BRD8: variants seen among roughly 807,000 people sequenced by gnomAD.
BRD8 encodes the protein bromodomain-containing protein 8.
A neutral mutation model predicts 143.1 loss-of-function variants in BRD8; 67 were observed. The observed-to-expected ratio is 0.47, with a 90% confidence interval of 0.38 to 0.57. BRD8 has a LOEUF of 0.57. Among genes scored for constraint, BRD8 ranks in the 20% least tolerant of loss-of-function variants. The probability of loss-of-function intolerance (pLI) is 0.00; values close to 1 mark genes in which losing one functional copy is unlikely to be tolerated. For synonymous variants in BRD8, 505 were observed against 517.1 expected, an observed-to-expected ratio of 0.98 and a Z score of 0.32; for missense variants, 1,103 against 1,503.0, an observed-to-expected ratio of 0.73 and a Z score of 4.40.
At chr5:138,159,750 G>T in intron 19 of BRD8, 151 bp from the exon 20 acceptor site, 1 of 745,718 alleles carries the variant, frequency 1.3e-6, no homozygotes, top group Non-Finnish European at 2.3e-6. Context: ...AAAGCAATCT[G>T]TCCATTACGC....
At chr5:138,144,385 C>T (rs977941025) in intron 25 of BRD8, among the ~76,000 whole-genome samples, 2 of 152,092 alleles carry the variant, frequency 1.3e-5, no homozygotes, top group Non-Finnish European at 2.9e-5. Flanking sequence ...TGTAACACCA[C>T]GAGAGTCTGC....
At chr5:138,160,314 ATTAAGTT>A in intron 18 of BRD8, 141 bp from the exon 19 acceptor site, 1 of 629,438 alleles carries the variant, frequency 1.6e-6, no homozygotes, top group Non-Finnish European at 2.8e-6. Flanking sequence ...AGTTTAGCAT[ATTAAGTT>A]TTAATTCTAG....
At chr5:138,170,304 G>A in intron 7 of BRD8, 41 bp downstream of exon 7, 1 of 1,305,272 alleles carries the variant, frequency 7.7e-7, no homozygotes, top group Non-Finnish European at 1.1e-6. Flanking sequence ...ATGCAGTACT[G>A]TGCAATCAAT....
chr5:138,168,411 C>A (rs1320580432), intron 8 of BRD8: 1 of 1,161,892 alleles, frequency 8.6e-7, no homozygotes, highest in African/African-American at 1.5e-5. Context: ...AGGTCCCAGG[C>A]ACTCCCTTCC....
intron 20 of BRD8, among the ~76,000 whole-genome samples, chr5:138,153,698 C>T (rs1439326256): frequency 5.4e-5 from 6 of 112,126 alleles, no homozygotes; most frequent in African/African-American, 1.0e-4. Context: ...TTTTTTTGAA[C>T]GAACTTTCAC....
intron 10 of BRD8, 193 bp downstream of exon 10, chr5:138,166,325 C>T (rs1753418277): frequency 4.9e-6 from 3 of 615,180 alleles, no homozygotes; most frequent in Non-Finnish European, 8.5e-6. Context: ...TAGCCTCTTC[C>T]TGCAATACAT....
intron 2 of BRD8, among the ~76,000 whole-genome samples, chr5:138,175,038 C>T (rs1307609170): frequency 6.6e-6 from 1 of 152,078 alleles, no homozygotes; most frequent in Non-Finnish European, 1.5e-5. Context: ...TACAGGCGCA[C>T]GCCGCCACAC....
intron 18 of BRD8, among the ~76,000 whole-genome samples, 177 bp from the exon 19 acceptor site, chr5:138,160,350 A>G (rs958625649): frequency 2.0e-5 from 3 of 152,242 alleles, no homozygotes; most frequent in Admixed American, 6.5e-5. Flanking sequence ...GGGATGCTAA[A>G]GAATCAAGCA....
chr5:138,152,601 C>G lies in BRD8; in HGVS notation c.2737G>C (p.Glu913Gln), dbSNP rs766067381. 5 of 1,614,100 alleles carry G rather than the reference C, an allele frequency of 3.1e-6. No individual in the cohort carries two copies. The highest frequency in any genetic ancestry group is 1.3e-5 in the African/African-American group (1 of 74,930). ...ETEDPEAEEL[E>Q]ESSPEREPSE... ...GGTTCTCTCTCCGGGCTGCTTTCCT[C>G]TAGTTCCTCAGCCTCTGGATCCTCA... Residue 913 changes from glutamate (E) to glutamine (Q), a missense_variant, in exon 21 of 27, where the codon GAG (glutamate) becomes CAG (glutamine). Physicochemically the swap from Glu to Gln is conservative, Grantham distance 29. This residue lies in a region of BRD8 where 369 missense variants were observed against 445.5 expected (regional missense o/e 0.83). Transcript: ENST00000254900.
At chr5:138,145,049 T>A in intron 25 of BRD8, 128 bp downstream of exon 25, 1 of 965,396 alleles carries the variant, frequency 1.0e-6, no homozygotes, top group Non-Finnish European at 1.6e-6. Context: ...CATAACTTTA[T>A]AAACTTGTTT....
At chr5:138,164,042 A>C (rs1257931748) in intron 14 of BRD8, 45 bp downstream of exon 14, 2 of 1,582,152 alleles carry the variant, frequency 1.3e-6, no homozygotes, top group Non-Finnish European at 1.7e-6. Flanking sequence ...TGCTATAGGG[A>C]AATCTAATCA....
rs566212577 is a variant in BRD8 at position 138,162,740 on chromosome 5, T to C, written c.2087+390A>G. Among the ~76,000 whole-genome samples, 6 of 152,184 alleles carry C rather than the reference T, an allele frequency of 3.9e-5. No individual in the cohort carries two copies. The South Asian group carries it at 8.3e-4, about 21-fold the overall frequency. ...GGCCAGGCATGGTGTCTCACGCCTG[T>C]AATCTCAGCACTTTGGGAGGCCGAG... On this transcript the variant is annotated intron_variant, in intron 15 of 26. Transcript: ENST00000254900.
At chr5:138,177,534 C>A in intron 2 of BRD8, 37 bp downstream of exon 2, 1 of 1,292,380 alleles carries the variant, frequency 7.7e-7, no homozygotes. Flanking sequence ...CTAACAATTT[C>A]TAAGACCCAG....
intron 25 of BRD8, among the ~76,000 whole-genome samples, chr5:138,142,419 A>G (rs948802257): frequency 4.6e-5 from 7 of 152,168 alleles, no homozygotes; most frequent in African/African-American, 1.7e-4. Context: ...GATCTTTTAC[A>G]TTCTATTACC....
intron 25 of BRD8, among the ~76,000 whole-genome samples, chr5:138,142,776 A>T (rs928715487): frequency 6.6e-6 from 1 of 150,988 alleles, no homozygotes; most frequent in Non-Finnish European, 1.5e-5. Flanking sequence ...AAAAAAAAAA[A>T]AAAATCCAAA....
chr5:138,148,159 GAAAAAAA>G (rs764280222), intron 23 of BRD8, among the ~76,000 whole-genome samples: 7 of 73,664 alleles, frequency 9.5e-5, no homozygotes, highest in African/African-American at 2.3e-4. Flanking sequence ...TGATGAGCTG[GAAAAAAA>G]AAAAAAAAAA....
chr5:138,163,621 C>T, intron 14 of BRD8: 3 of 1,419,242 alleles, frequency 2.1e-6, no homozygotes, highest in Non-Finnish European at 2.8e-6. Context: ...CTTCTTTCCC[C>T]TTGCTCGAGA....
At chr5:138,156,233 G>A (rs1477985140) in intron 20 of BRD8, among the ~76,000 whole-genome samples, 3 of 151,558 alleles carry the variant, frequency 2.0e-5, no homozygotes, top group Non-Finnish European at 2.9e-5. Context: ...TCCGCCTCCC[G>A]GGTTCAAGTG....
At chr5:138,151,084 G>C in intron 21 of BRD8, 76 bp from the exon 22 acceptor site, 1 of 1,512,172 alleles carries the variant, frequency 6.6e-7, no homozygotes, top group South Asian at 1.3e-5. Context: ...AATGCCACAT[G>C]CTAACACTGT....
Sources: gnomAD v4.1 joint callset for allele counts (sites outside exome capture counted in the v4.1 genomes callset) on GRCh38, gnomAD v4.1.1 for gene constraint, gnomAD v4.1.1 regional missense constraint, MANE v1.5 for transcripts, NCBI Gene and HGNC (gene_info 2026-07-23, HGNC 2026-07-21) for gene names.